The following AFG2A variants were observed in gnomAD, a reference collection of about 807,000 sequenced individuals.
AFG2A encodes the protein ATPase family gene 2 protein homolog A.
At chr4:123,173,357 T>G in the AFG2A span, among the ~76,000 whole-genome samples, 4 of 121,652 alleles carry the variant, frequency 3.3e-5, no homozygotes, top group African/African-American at 1.2e-4. Context: ...TTTTTTTTTT[T>G]TTTTTTTTTT....
At chr4:123,252,099 ATT>A in the AFG2A span, among the ~76,000 whole-genome samples, 1 of 152,164 alleles carries the variant, frequency 6.6e-6, no homozygotes, top group African/African-American at 2.4e-5. Context: ...TTTATTACCC[ATT>A]AATATAATTT....
chr4:122,939,277 G>A, the AFG2A span, among the ~76,000 whole-genome samples: 1 of 151,618 alleles, frequency 6.6e-6, no homozygotes, highest in South Asian at 2.1e-4. Context: ...TAGAGACGGG[G>A]TTTCTCCATG....
the AFG2A span, among the ~76,000 whole-genome samples, chr4:123,257,305 C>T: frequency 6.6e-6 from 1 of 152,130 alleles, no homozygotes; most frequent in Non-Finnish European, 1.5e-5. Flanking sequence ...TACAATGGTG[C>T]AAAAGTGGTA....
the AFG2A span, among the ~76,000 whole-genome samples, chr4:123,031,603 T>TGAAAGTGATCA: frequency 6.6e-6 from 1 of 152,248 alleles, no homozygotes; most frequent in African/African-American, 2.4e-5. Context: ...TTACACATTT[T>TGAAAGTGATCA]GAAAGTGATC....
the AFG2A span, among the ~76,000 whole-genome samples, chr4:123,114,096 T>G: frequency 6.6e-6 from 1 of 151,938 alleles, no homozygotes; most frequent in South Asian, 2.1e-4. Flanking sequence ...CCTCAGCAGC[T>G]CTCAGCAGAG....
the AFG2A span, among the ~76,000 whole-genome samples, chr4:123,190,466 T>A: frequency 0.012 from 1,873 of 152,330 alleles, 36 homozygotes; most frequent in African/African-American, 0.043. Context: ...CAGAGATGAA[T>A]AGAGGACTTT....
At chr4:123,009,244 A>C in the AFG2A span, among the ~76,000 whole-genome samples, 1 of 152,194 alleles carries the variant, frequency 6.6e-6, no homozygotes, top group Non-Finnish European at 1.5e-5. Context: ...TACCAAACAG[A>C]GAAGTTCACT....
the AFG2A span, among the ~76,000 whole-genome samples, chr4:122,977,413 C>T: frequency 1.3e-5 from 2 of 152,328 alleles, no homozygotes; most frequent in Admixed American, 6.5e-5. Flanking sequence ...GCACAGGCAC[C>T]GGCTCTGTGT....
At chr4:123,209,452 A>G in the AFG2A span, among the ~76,000 whole-genome samples, 2 of 152,032 alleles carry the variant, frequency 1.3e-5, no homozygotes, top group Admixed American at 6.6e-5. Context: ...CCCACTCCCC[A>G]TAGCTGCTCT....
the AFG2A span, among the ~76,000 whole-genome samples, chr4:123,305,253 T>G: frequency 6.6e-6 from 1 of 152,160 alleles, no homozygotes; most frequent in South Asian, 2.1e-4. Context: ...CGATAATCTC[T>G]GAGAGGCAGT....
At chr4:123,283,830 G>A in the AFG2A span, among the ~76,000 whole-genome samples, 2 of 152,084 alleles carry the variant, frequency 1.3e-5, no homozygotes, top group Non-Finnish European at 2.9e-5. Context: ...GTAGTTCCAG[G>A]AGGAACTGTG....
the AFG2A span, among the ~76,000 whole-genome samples, chr4:123,075,615 G>C: frequency 1.1e-4 from 16 of 152,056 alleles, no homozygotes; most frequent in African/African-American, 3.9e-4. Flanking sequence ...TTAATAGAAA[G>C]GGATAGTGTG....
chr4:122,974,644 ACT>A, the AFG2A span, among the ~76,000 whole-genome samples: 1 of 150,090 alleles, frequency 6.7e-6, no homozygotes, highest in East Asian at 1.9e-4. Flanking sequence ...AAAGTGGAAA[ACT>A]CTTTTTTTTT....
the AFG2A span, chr4:122,933,542 A>G: frequency 6.6e-7 from 1 of 1,512,418 alleles, no homozygotes; most frequent in African/African-American, 1.4e-5. Flanking sequence ...TTAAGCTGCA[A>G]GGCATCAGCA....
chr4:123,099,354 T>C, the AFG2A span, among the ~76,000 whole-genome samples: 1 of 151,978 alleles, frequency 6.6e-6, no homozygotes, highest in African/African-American at 2.4e-5. Flanking sequence ...CTTTTTAGCT[T>C]CATGTAATCC....
the AFG2A span, chr4:122,936,071 G>A: frequency 1.1e-5 from 17 of 1,549,358 alleles, no homozygotes; most frequent in African/African-American, 1.4e-5. Context: ...AATAAGAAAT[G>A]GTCTTTAAAT....
At chr4:123,256,125 A>G in the AFG2A span, 6 of 1,614,166 alleles carry the variant, frequency 3.7e-6, no homozygotes, top group East Asian at 1.1e-4. Flanking sequence ...CCTGTCAGTA[A>G]TGAAGTTGAC....
At chr4:123,124,225 C>G in the AFG2A span, among the ~76,000 whole-genome samples, 19 of 152,110 alleles carry the variant, frequency 1.2e-4, 1 homozygote, top group Admixed American at 1.2e-3. Flanking sequence ...ATAGCAAAGA[C>G]TTGGAACCAA....
chr4:123,131,264 C>T, the AFG2A span, among the ~76,000 whole-genome samples: 3 of 151,890 alleles, frequency 2.0e-5, no homozygotes, highest in African/African-American at 7.3e-5. Flanking sequence ...TTTTTAAAAT[C>T]AACTCTTTAC....
Sources: gnomAD v4.1 joint callset for allele counts (sites outside exome capture counted in the v4.1 genomes callset) on GRCh38, gnomAD v4.1.1 for gene constraint, MANE v1.5 for transcripts, NCBI Gene and HGNC (gene_info 2026-07-23, HGNC 2026-07-21) for gene names.